The following NCF4 variants were observed in gnomAD, a reference collection of about 807,000 sequenced individuals.
The protein encoded by NCF4 is neutrophil cytosolic factor 4.
In NCF4, 30 loss-of-function variants were observed where a neutral mutation model predicts 41.7. That is an observed-to-expected ratio of 0.72 (90% CI 0.54 to 0.97). The LOEUF (loss-of-function observed/expected upper bound fraction) is 0.97, where lower values mean the gene tolerates loss of function less well. Ranked by LOEUF, NCF4 falls within the 50% of genes least tolerant of loss-of-function variation. The pLI, the probability that NCF4 is intolerant of heterozygous loss-of-function variation, is 0.00. For synonymous variants in NCF4, 195 were observed against 175.8 expected, an observed-to-expected ratio of 1.11 and a Z score of -0.87; for missense variants, 432 against 460.9, an observed-to-expected ratio of 0.94 and a Z score of 0.57.
At chr22:36,870,627 A>T in intron 5 of NCF4, 85 bp downstream of exon 5, 1 of 1,534,124 alleles carries the variant, frequency 6.5e-7, no homozygotes, top group Non-Finnish European at 8.9e-7. Context: ...AAAGGAGAGA[A>T]GGAAAATACA....
intron 2 of NCF4, among the ~76,000 whole-genome samples, 184 bp from the exon 3 acceptor site, chr22:36,864,735 G>A (rs144417706): frequency 2.5e-4 from 36 of 143,098 alleles, no homozygotes; most frequent in African/African-American, 8.6e-4. Flanking sequence ...TTTTTTTTTC[G>A]CAAAGCTCGT....
At chr22:36,871,572 G>A (rs1449087716) in intron 5 of NCF4, 80 bp from the exon 6 acceptor site, 2 of 1,447,624 alleles carry the variant, frequency 1.4e-6, no homozygotes, top group South Asian at 1.2e-5. Flanking sequence ...TCCTTGCAAG[G>A]GGCTCCTCTG....
chr22:36,861,509 C>T (rs937024604), intron 1 of NCF4, among the ~76,000 whole-genome samples: 3 of 152,152 alleles, frequency 2.0e-5, no homozygotes, highest in Admixed American at 1.3e-4. Flanking sequence ...AGGCTGGGGC[C>T]CTTTGCTTCA....
chr22:36,871,392 G>A (rs1327405426), intron 5 of NCF4, among the ~76,000 whole-genome samples: 2 of 152,242 alleles, frequency 1.3e-5, no homozygotes, highest in Admixed American at 1.3e-4. Flanking sequence ...CACCGAATGA[G>A]CGTGTATCCC....
In NCF4 at chr22:36,864,050, T is replaced by C. The variant is rs754276557; in HGVS notation, c.38T>C (p.Phe13Ser). The change falls in exon 2 of 10, where the codon TTT (phenylalanine) becomes TCT (serine). Residue 13 changes from phenylalanine to serine, a missense_variant. Coordinates refer to ENST00000248899, the MANE Select transcript of NCF4 (RefSeq NM_000631.5). ...VAQQLRAESD[F>S]EQLPDDVAIS... ...TTTTCCCCTCCTTCGCACAGTGACT[T>C]TGAACAGCTTCCGGATGATGTTGCC... 2 of 1,614,104 alleles carry C rather than the reference T, an allele frequency of 1.2e-6. No homozygotes were observed. Among genetic ancestry groups the C allele is most frequent in the Non-Finnish European group, 1.7e-6 (2 of 1,179,980 alleles).
At position 36,870,501 on chromosome 22, in the gene NCF4, G is replaced by T. The variant is rs771758194; in HGVS notation, c.429G>T (p.Val143=). The change falls in exon 5 of 10, where the codon GTG becomes GTT. Residue 143 remains valine (V), a synonymous_variant. Transcript: ENST00000248899. The part of the protein sequence containing the change: ...FYQSPYDSEQ[V]PQALRRLRPR... ...AGTCGCCCTATGACTCAGAGCAGGTGCCCCAGGCACTCCGCCGGCTCCGCC... is the reference window on the plus strand; with the variant it reads ...AGTCGCCCTATGACTCAGAGCAGGTTCCCCAGGCACTCCGCCGGCTCCGCC... 1.9e-6 allele frequency: 3 copies of T among 1,613,670 alleles called. No individual in the cohort carries two copies. Among genetic ancestry groups the T allele is most frequent in the Non-Finnish European group, 1.7e-6 (2 of 1,180,034 alleles).
At chr22:36,874,062 G>A (rs780176098) in intron 7 of NCF4, among the ~76,000 whole-genome samples, 6 of 152,236 alleles carry the variant, frequency 3.9e-5, no homozygotes, top group Admixed American at 1.3e-4. Context: ...TCCTGGAAAG[G>A]GTAAAGGAGG....
chr22:36,868,045 G>C (rs922970747), intron 4 of NCF4, among the ~76,000 whole-genome samples: 1 of 152,232 alleles, frequency 6.6e-6, no homozygotes, highest in Non-Finnish European at 1.5e-5. Flanking sequence ...ATCTCTATGA[G>C]ATGGGAGCGT....
At chr22:36,869,429 G>A (rs577847453) in intron 4 of NCF4, among the ~76,000 whole-genome samples, 5 of 152,188 alleles carry the variant, frequency 3.3e-5, no homozygotes, top group Admixed American at 6.5e-5. Context: ...GCTGGGATTC[G>A]ATCCCAGGAG....
intron 7 of NCF4, among the ~76,000 whole-genome samples, chr22:36,873,526 A>C (rs1446883412): frequency 6.6e-6 from 1 of 152,126 alleles, no homozygotes; most frequent in Non-Finnish European, 1.5e-5. Flanking sequence ...CTGGAGATCC[A>C]GGCAGGTTGG....
At chr22:36,868,045 G>A (rs922970747) in intron 4 of NCF4, among the ~76,000 whole-genome samples, 1 of 152,232 alleles carries the variant, frequency 6.6e-6, no homozygotes, top group Non-Finnish European at 1.5e-5. Flanking sequence ...ATCTCTATGA[G>A]ATGGGAGCGT....
In NCF4 at chr22:36,873,717, G is replaced by A. The variant is rs1018553113; in HGVS notation, c.627+1292G>A. ...TCAGCAGGGGCACTATTGACATTGG[G>A]GCCAGATGGTCCCTTGTGGGGTTGT... On this transcript the variant is annotated intron_variant, in intron 7 of 9. Coordinates refer to ENST00000248899, the MANE Select transcript of NCF4 (RefSeq NM_000631.5). Among the ~76,000 whole-genome samples the A allele has an allele frequency of 2.0e-5, 3 of 152,224 alleles. No individual in the cohort carries two copies. The South Asian group carries it at 6.2e-4, about 32-fold the overall frequency.
chr22:36,873,400 G>T (rs1400070561), intron 7 of NCF4, among the ~76,000 whole-genome samples: 1 of 151,360 alleles, frequency 6.6e-6, no homozygotes, highest in Non-Finnish European at 1.5e-5. Context: ...TGCAGGTAAG[G>T]TTAGGCTGAG....
intron 3 of NCF4, among the ~76,000 whole-genome samples, chr22:36,866,478 T>C (rs556357646): frequency 1.3e-5 from 2 of 152,278 alleles, no homozygotes; most frequent in African/African-American, 4.8e-5. Flanking sequence ...AAGGTGGGGA[T>C]CCTCTGAGCA....
intron 7 of NCF4, 60 bp downstream of exon 7, chr22:36,872,485 G>GGT: frequency 7.1e-7 from 1 of 1,406,970 alleles, no homozygotes; most frequent in Non-Finnish European, 1.0e-6. Flanking sequence ...GAAATTAAAA[G>GGT]TGAAGATAGA....
chr22:36,864,725 T>C (rs76971373), intron 2 of NCF4, among the ~76,000 whole-genome samples, 194 bp from the exon 3 acceptor site: 1 of 150,952 alleles, frequency 6.6e-6, no homozygotes, highest in African/African-American at 2.5e-5. Flanking sequence ...TTTTCTTTTC[T>C]TTTTTTTTCG....
chr22:36,874,512 T>C (rs1940149628), intron 7 of NCF4, among the ~76,000 whole-genome samples: 1 of 152,188 alleles, frequency 6.6e-6, no homozygotes. Flanking sequence ...AACTCAGGGC[T>C]CTTACAGAGG....
chr22:36,870,034 T>G (rs2145715498), intron 4 of NCF4: 1 of 349,230 alleles, frequency 2.9e-6, no homozygotes, highest in East Asian at 7.5e-5. Flanking sequence ...CCTTCACCTC[T>G]CTGATCCTAA....
chr22:36,872,509 G>A (rs1031163698), intron 7 of NCF4, 84 bp downstream of exon 7: 36 of 1,194,406 alleles, frequency 3.0e-5, no homozygotes, highest in African/African-American at 7.6e-5. Context: ...GAGGGTGGAA[G>A]TGCAATTGGA....
Sources: gnomAD v4.1 joint callset for allele counts (sites outside exome capture counted in the v4.1 genomes callset) on GRCh38, gnomAD v4.1.1 for gene constraint, MANE v1.5 for transcripts, NCBI Gene and HGNC (gene_info 2026-07-23, HGNC 2026-07-21) for gene names.